The following OSBP variants were observed in gnomAD, a reference collection of about 807,000 sequenced individuals.
OSBP encodes oxysterol binding protein.
OSBP carries 32 observed loss-of-function variants against 96.6 expected under a neutral mutation model. The ratio of observed to expected loss-of-function variants is 0.33; its 90% CI spans 0.25 to 0.45. The LOEUF is 0.45. Among genes scored for constraint, OSBP ranks in the 20% least tolerant of loss-of-function variants. OSBP has a pLI of 1.00. For synonymous variants in OSBP, 369 were observed against 389.6 expected (o/e 0.95, Z 0.62); for missense variants, 653 against 1,029.7 (o/e 0.63, Z 5.01).
At chr11:59,595,644 A>G (rs1421167446) in intron 7 of OSBP, among the ~76,000 whole-genome samples, 1 of 152,166 alleles carries the variant, frequency 6.6e-6, no homozygotes, top group Non-Finnish European at 1.5e-5. Context: ...TACATTTTTA[A>G]AAGTAATAAA....
chr11:59,576,598 G>A lies in OSBP; in HGVS notation c.2403C>T (p.Ser801=), dbSNP rs774767878. 1 of 1,613,670 alleles carries A rather than the reference G, an allele frequency of 6.2e-7. No individual in the cohort carries two copies. The highest frequency in any genetic ancestry group is 8.5e-7 in the Non-Finnish European group (1 of 1,179,942). ...YWECKEKQDW[S]SCPDIF The stretch of plus-strand genomic sequence containing the variant: ...CGTTTCAGAAAATGTCCGGGCATGA[G>A]CTCCAGTCCTGTTTTTCTTTACACT... The change falls in exon 14 of 14, where the codon AGC becomes AGT. Residue 801 remains serine, a synonymous_variant. Coordinates refer to ENST00000263847, the MANE Select transcript of OSBP (RefSeq NM_002556.3).
In OSBP at chr11:59,601,853, C is replaced by A. The variant is rs374706207; in HGVS notation, c.823-15G>T. ...TCTCTGCAGGCCTGTATGGAGAAAG[C>A]GTTGACTGTGTCAGCTCAACTAGTC... On this transcript the variant is annotated splice_polypyrimidine_tract_variant and intron_variant, in intron 3 of 13. Coordinates refer to ENST00000263847, the MANE Select transcript of OSBP (RefSeq NM_002556.3). 6.2e-7 allele frequency: 1 copy of A among 1,611,910 alleles called. No individual in the cohort carries two copies. The highest frequency in any genetic ancestry group is 8.5e-7 in the Non-Finnish European group (1 of 1,178,270).
At chr11:59,603,537 T>G (rs951323106) in intron 3 of OSBP, among the ~76,000 whole-genome samples, 1 of 146,592 alleles carries the variant, frequency 6.8e-6, no homozygotes, top group African/African-American at 2.6e-5. Flanking sequence ...CAGTTTTTTT[T>G]TTTTTTTTTT....
intron 3 of OSBP, among the ~76,000 whole-genome samples, chr11:59,607,791 CA>C: frequency 6.6e-6 from 1 of 152,306 alleles, no homozygotes; most frequent in South Asian, 2.1e-4. Context: ...TGCACCCAAG[CA>C]GCTAAAATGT....
intron 3 of OSBP, among the ~76,000 whole-genome samples, chr11:59,604,060 T>C (rs1294636673): frequency 6.6e-6 from 1 of 152,180 alleles, no homozygotes; most frequent in East Asian, 1.9e-4. Context: ...GTTGGACCGG[T>C]AGGGCTCAAA....
At chr11:59,601,941 G>T in intron 3 of OSBP, 103 bp from the exon 4 acceptor site, 1 of 955,142 alleles carries the variant, frequency 1.0e-6, no homozygotes, top group Non-Finnish European at 1.6e-6. Context: ...CTTTTAACTG[G>T]CAAATTACAA....
intron 9 of OSBP, among the ~76,000 whole-genome samples, chr11:59,584,349 C>A (rs1176841015): frequency 3.9e-5 from 6 of 152,110 alleles, no homozygotes; most frequent in Non-Finnish European, 8.8e-5. Flanking sequence ...AAGCTACAGA[C>A]CAATATCATA....
chr11:59,610,635 T>C, intron 1 of OSBP, 46 bp from the exon 2 acceptor site: 3 of 1,435,884 alleles, frequency 2.1e-6, no homozygotes, highest in Non-Finnish European at 2.9e-6. Flanking sequence ...GTTGACGGTT[T>C]ATCCTTTATC....
At chr11:59,600,775 C>T (rs1402087936) in intron 6 of OSBP, 44 bp downstream of exon 6, 1 of 1,547,214 alleles carries the variant, frequency 6.5e-7, no homozygotes. Flanking sequence ...TTGGGAATCA[C>T]AACCCACGTC....
chr11:59,599,938 C>A (rs1003703748), intron 7 of OSBP, among the ~76,000 whole-genome samples: 1 of 152,154 alleles, frequency 6.6e-6, no homozygotes, highest in African/African-American at 2.4e-5. Context: ...CAGCTGAGGA[C>A]TGACATGACT....
rs1190022866 is a variant in OSBP at position 59,575,407 on chromosome 11, AG to A, written c.*1169del. On this transcript the variant is annotated 3_prime_UTR_variant, in exon 14 of 14. Transcript: ENST00000263847. ...TCTCTGCCCATAAAAGATGGAGAGC[AG>A]GAGTGCCATCCACATCAACACGTGT... is the stretch of plus-strand genomic sequence containing the variant. The A allele has an allele frequency of 6.6e-6, 1 of 152,396 alleles. No homozygotes were observed. Among genetic ancestry groups the A allele is most frequent in the Non-Finnish European group, 1.5e-5 (1 of 68,036 alleles). The allele number at this position is 152,396 out of a possible 1,614,324, so 9.4% of individuals were successfully genotyped here.
intron 9 of OSBP, among the ~76,000 whole-genome samples, chr11:59,582,112 C>A (rs1860429617): frequency 6.6e-6 from 1 of 152,166 alleles, no homozygotes; most frequent in Non-Finnish European, 1.5e-5. Flanking sequence ...AAGAATAAAA[C>A]CCTTGTAATT....
rs745655455 is a variant in OSBP, at chr11:59,587,501, C to CAA, written c.1679-5949_1679-5948dup. Among the ~76,000 whole-genome samples, 480 of 111,480 alleles carry CAA rather than the reference C, an allele frequency of 4.3e-3. 2 individuals carry two copies. The highest frequency in any genetic ancestry group is 5.9e-3 in the Non-Finnish European group (299 of 51,094). The allele number at this position is 111,480 out of a possible 152,430, so 73.1% of individuals were successfully genotyped here. A position where few individuals can be genotyped will look rare whatever the true frequency, so the allele number is the denominator to read the frequency against. On this transcript the variant is annotated intron_variant, in intron 9 of 13. Transcript: ENST00000263847. ...TGGATGACAGTGCGAGACTCCATGT[C>CAA]AAAAAAAAAAAAAGAAAAAGGGCAA...
At chr11:59,606,146 A>G (rs1728790505) in intron 3 of OSBP, among the ~76,000 whole-genome samples, 1 of 152,194 alleles carries the variant, frequency 6.6e-6, no homozygotes, top group Non-Finnish European at 1.5e-5. Flanking sequence ...TTAATTCTCC[A>G]TCCCTCACTA....
At chr11:59,608,185 C>G (rs1473152147) in intron 3 of OSBP, among the ~76,000 whole-genome samples, 1 of 152,142 alleles carries the variant, frequency 6.6e-6, no homozygotes, top group Non-Finnish European at 1.5e-5. Flanking sequence ...AATTAAGGGA[C>G]TCAGCTAATA....
In OSBP at chr11:59,608,501, A is replaced by T; in HGVS notation, c.805T>A (p.Ser269Thr). The T allele has an allele frequency of 6.2e-7, 1 of 1,614,148 alleles. No homozygotes were observed. Among genetic ancestry groups the T allele is most frequent in the Admixed American group, 1.7e-5 (1 of 60,010 alleles). The change falls in exon 3 of 14, where the codon TCC (serine) becomes ACC (threonine). Residue 269 changes from serine (S) to threonine (T), a missense_variant. This residue lies in a region of OSBP where 308 missense variants were observed against 573.1 expected (regional missense o/e 0.54). Coordinates refer to ENST00000263847, the MANE Select transcript of OSBP (RefSeq NM_002556.3). The stretch of plus-strand genomic sequence containing the variant: ...GCACTCACGTTGATCATGGCATTGG[A>T]TGTTATCCTAAAGAGTGTGGCTCGT... ...NERATLFRIT[S>T]NAMINACRDF...
At position 59,578,319 on chromosome 11, in the gene OSBP, T is replaced by A. The variant is rs375035258; in HGVS notation, c.1890A>T (p.Glu630Asp). The A allele has an allele frequency of 1.5e-5, 24 of 1,613,970 alleles. No individual in the cohort carries two copies. The African/African-American group carries it at 2.8e-4, about 19-fold the overall frequency. Reference sequence around the variant, plus strand: ...GGACTTTTCCTGATGGATCTGTCACTTCCCCCGTCACCTGCAAGGGTGGAG... The same window carrying A: ...GGACTTTTCCTGATGGATCTGTCACATCCCCCGTCACCTGCAAGGGTGGAG... The part of the protein sequence containing the change: ...SRDVARKVTG[E>D]VTDPSGKVHF... Residue 630 changes from glutamate (E) to aspartate (D), a missense_variant, in exon 12 of 14, where the codon GAA (glutamate) becomes GAT (aspartate). Glu to Asp is a conservative substitution (Grantham distance 45, BLOSUM62 2). Around this residue, in one of 6 missense-constraint regions of OSBP, gnomAD observed 169 missense variants for 251.5 expected, o/e 0.67. Transcript: ENST00000263847.
At chr11:59,610,658 TTTTCA>T in intron 1 of OSBP, 69 bp from the exon 2 acceptor site, 1 of 1,260,656 alleles carries the variant, frequency 7.9e-7, no homozygotes. Context: ...ATTCCATTTC[TTTTCA>T]TAACTCTGAG....
chr11:59,604,584 C>A (rs929558610), intron 3 of OSBP, among the ~76,000 whole-genome samples: 2 of 151,910 alleles, frequency 1.3e-5, no homozygotes, highest in African/African-American at 2.4e-5. Flanking sequence ...CGCCTGTAGT[C>A]CCAGCTACTT....
Sources: gnomAD v4.1 joint callset for allele counts (sites outside exome capture counted in the v4.1 genomes callset) on GRCh38, gnomAD v4.1.1 for gene constraint, gnomAD v4.1.1 regional missense constraint, MANE v1.5 for transcripts, NCBI Gene and HGNC (gene_info 2026-07-23, HGNC 2026-07-21) for gene names.